Variants in AK9 observed in about 807,000 individuals in gnomAD.
The protein encoded by AK9 is adenylate kinase domain containing 1.
AK9 carries 191 observed loss-of-function variants against 239.6 expected under a neutral mutation model. The ratio of observed to expected loss-of-function variants is 0.80; its 90% CI spans 0.71 to 0.90. The LOEUF (loss-of-function observed/expected upper bound fraction) is 0.90. Ranked by LOEUF, AK9 falls within the 40% of genes least tolerant of loss-of-function variation. The pLI, the probability that AK9 is intolerant of heterozygous loss-of-function variation, is 0.00. For synonymous variants in AK9, 689 were observed against 721.0 expected (o/e 0.96, Z 0.71); for missense variants, 1,995 against 2,214.7 (o/e 0.90, Z 1.99).
chr6:109,523,731 G>A (rs922116410), intron 29 of AK9, among the ~76,000 whole-genome samples: 1 of 152,114 alleles, frequency 6.6e-6, no homozygotes, highest in East Asian at 1.9e-4. Flanking sequence ...AGATGAGAGA[G>A]CCAGAGAAGG....
intron 38 of AK9, 65 bp from the exon 39 acceptor site, chr6:109,495,505 G>GTCTCTTGTCTATTCCT: frequency 1.7e-6 from 2 of 1,155,610 alleles, no homozygotes; most frequent in Non-Finnish European, 2.5e-6. Context: ...GATAGGAATA[G>GTCTCTTGTCTATTCCT]ACAAGAGACT....
chr6:109,564,010 T>A, intron 23 of AK9, 70 bp downstream of exon 23: 1 of 1,403,244 alleles, frequency 7.1e-7, no homozygotes. Flanking sequence ...AAAGAAGGCT[T>A]TCAAGTTTCA....
intron 21 of AK9, 25 bp from the exon 22 acceptor site, chr6:109,564,870 G>T: frequency 6.8e-7 from 1 of 1,475,032 alleles, no homozygotes; most frequent in South Asian, 1.3e-5. Flanking sequence ...CGAATAGTTA[G>T]TGTTTAAATT....
At chr6:109,537,270 C>T (rs1007437491) in intron 27 of AK9, among the ~76,000 whole-genome samples, 3 of 152,024 alleles carry the variant, frequency 2.0e-5, no homozygotes, top group African/African-American at 4.8e-5. Context: ...TAATTCTTGC[C>T]TCAATTTCAG....
At chr6:109,498,578 T>A (rs1243694411) in intron 36 of AK9, among the ~76,000 whole-genome samples, 1 of 152,254 alleles carries the variant, frequency 6.6e-6, no homozygotes. Flanking sequence ...AGACGAAATC[T>A]ATTTTCTGTT....
intron 29 of AK9, chr6:109,527,704 CACAG>C (rs1484045928): frequency 6.6e-6 from 1 of 152,014 alleles, no homozygotes; most frequent in Admixed American, 6.6e-5. Flanking sequence ...TTGTGGGATA[CACAG>C]ACAGTTTTAC....
chr6:109,495,276 G>T, intron 39 of AK9, 62 bp downstream of exon 39: 2 of 1,302,738 alleles, frequency 1.5e-6, no homozygotes, highest in Non-Finnish European at 2.1e-6. Context: ...GAAAATTAGT[G>T]TTAAAAAGAA....
At chr6:109,661,774 C>G (rs777226769) in intron 6 of AK9, among the ~76,000 whole-genome samples, 5 of 152,054 alleles carry the variant, frequency 3.3e-5, no homozygotes, top group Non-Finnish European at 5.9e-5. Context: ...AAACCCTGGC[C>G]GAGTATGGAT....
chr6:109,494,400 A>C (rs575654381), intron 39 of AK9: 3 of 219,290 alleles, frequency 1.4e-5, no homozygotes, highest in Non-Finnish European at 2.7e-5. Flanking sequence ...ACAAAAAGTT[A>C]AGAGAAGAAA....
chr6:109,645,083 T>C (rs933644898), intron 8 of AK9, among the ~76,000 whole-genome samples: 3 of 152,182 alleles, frequency 2.0e-5, no homozygotes, highest in Admixed American at 6.5e-5. Flanking sequence ...CAACGTATTT[T>C]GATCGTTCCA....
At chr6:109,512,640 A>G (rs898684949) in intron 32 of AK9, among the ~76,000 whole-genome samples, 1 of 152,210 alleles carries the variant, frequency 6.6e-6, no homozygotes, top group African/African-American at 2.4e-5. Flanking sequence ...CTATTCAGTC[A>G]GTCATTAAGA....
intron 24 of AK9, among the ~76,000 whole-genome samples, chr6:109,554,099 T>C (rs1015082218): frequency 1.3e-5 from 2 of 152,228 alleles, no homozygotes; most frequent in African/African-American, 4.8e-5. Context: ...TGGATTCTGT[T>C]TGACAGTATC....
At chr6:109,656,190 A>G (rs1234429948) in intron 8 of AK9, among the ~76,000 whole-genome samples, 2 of 152,294 alleles carry the variant, frequency 1.3e-5, no homozygotes, top group Admixed American at 1.3e-4. Context: ...TGGACTTTTT[A>G]CCATATAAAA....
intron 1 of AK9, among the ~76,000 whole-genome samples, chr6:109,688,232 A>G (rs984549429): frequency 1.3e-5 from 2 of 152,156 alleles, no homozygotes; most frequent in African/African-American, 4.8e-5. Context: ...ACCTGTTCAT[A>G]TTGAGCCCTC....
intron 17 of AK9, among the ~76,000 whole-genome samples, chr6:109,586,946 A>G (rs1462217853): frequency 6.6e-6 from 1 of 152,046 alleles, no homozygotes; most frequent in Non-Finnish European, 1.5e-5. Context: ...TACCCTCTTG[A>G]CAGGCCTATG....
intron 17 of AK9, among the ~76,000 whole-genome samples, chr6:109,602,539 A>G (rs1400729918): frequency 6.6e-6 from 1 of 151,994 alleles, no homozygotes; most frequent in Non-Finnish European, 1.5e-5. Context: ...GGTGAATCTG[A>G]CAATTATGTG....
At chr6:109,672,236 G>T in intron 3 of AK9, 69 bp from the exon 4 acceptor site, 1 of 1,321,838 alleles carries the variant, frequency 7.6e-7, no homozygotes, top group South Asian at 1.3e-5. Flanking sequence ...ACACATTCTA[G>T]TGTCTTGTAA....
At chr6:109,673,387 A>G (rs1006351428) in intron 3 of AK9, among the ~76,000 whole-genome samples, 31 of 152,158 alleles carry the variant, frequency 2.0e-4, no homozygotes, top group African/African-American at 7.2e-4. Context: ...GACCAGTGTT[A>G]TGTTGATTAA....
intron 32 of AK9, among the ~76,000 whole-genome samples, chr6:109,510,046 T>C (rs1582769675): frequency 3.3e-5 from 5 of 151,908 alleles, no homozygotes; most frequent in South Asian, 2.1e-4. Flanking sequence ...TCCTGGCAGA[T>C]TGATTCCTGG....
Sources: allele counts gnomAD v4.1 joint callset (sites outside exome capture counted in the v4.1 genomes callset), GRCh38; gene constraint gnomAD v4.1.1; transcripts MANE v1.5; gene names NCBI Gene and HGNC (gene_info 2026-07-23, HGNC 2026-07-21).